Variants in AGAP5 observed in about 807,000 individuals in gnomAD.
AGAP5 encodes the protein ArfGAP with GTPase domain, ankyrin repeat and PH domain 5, also known as arf-GAP with GTPase, ANK repeat and PH domain-containing protein 5.
In AGAP5, 8 loss-of-function variants were observed where a neutral mutation model predicts 27.7. That is an observed-to-expected ratio of 0.29 (90% CI 0.17 to 0.52). The LOEUF (loss-of-function observed/expected upper bound fraction) is 0.52. Among genes scored for constraint, AGAP5 ranks in the 20% least tolerant of loss-of-function variants. The probability of loss-of-function intolerance (pLI) is 0.97; values close to 1 mark genes in which losing one functional copy is unlikely to be tolerated. For synonymous variants in AGAP5, 111 were observed against 338.0 expected (o/e 0.33, Z 7.37); for missense variants, 285 against 880.8 (o/e 0.32, Z 8.56).
intron 4 of AGAP5, 123 bp downstream of exon 4, chr10:73,691,920 G>GA (rs1377675391): frequency 1.2e-6 from 1 of 847,136 alleles, no homozygotes; most frequent in African/African-American, 1.8e-5. Flanking sequence ...AAGAGATTTA[G>GA]AAAATCCACA....
rs1386124586 is a variant in AGAP5, at chr10:73,697,989, A to T, written c.-234T>A. ...CCTCCCCTGAGTTGACTTGTCTGGG[A>T]GGGTGAAGACCAGCTGGCTTATTTA... On this transcript the variant is annotated 5_prime_UTR_variant, in exon 1 of 8. Transcript: ENST00000374094. 4.7e-6 allele frequency: 7 copies of T among 1,473,726 alleles called. No homozygotes were observed. Among genetic ancestry groups the T allele is most frequent in the Non-Finnish European group, 6.3e-6 (7 of 1,117,584 alleles). 91.3% of individuals were successfully genotyped at this position (1,473,726 alleles called of 1,614,324 possible).
chr10:73,687,608 C>A (rs1442769089), intron 4 of AGAP5, among the ~76,000 whole-genome samples: 2 of 152,070 alleles, frequency 1.3e-5, no homozygotes, highest in African/African-American at 4.8e-5. Flanking sequence ...TAAACAAGGC[C>A]TTAGGAGAAA....
At chr10:73,690,599 G>C (rs2082109309) in intron 4 of AGAP5, among the ~76,000 whole-genome samples, 1 of 113,022 alleles carries the variant, frequency 8.8e-6, no homozygotes, top group African/African-American at 3.5e-5. Flanking sequence ...ACCCAAGAAT[G>C]ATCAATTAAA....
chr10:73,689,896 G>A (rs528055062), intron 4 of AGAP5, among the ~76,000 whole-genome samples: 35 of 150,640 alleles, frequency 2.3e-4, no homozygotes, highest in African/African-American at 7.8e-4. Flanking sequence ...CGCCCCGTCC[G>A]GGAGGTGAGG....
chr10:73,690,753 A>G (rs2082110955), intron 4 of AGAP5, among the ~76,000 whole-genome samples: 1 of 152,240 alleles, frequency 6.6e-6, no homozygotes, highest in African/African-American at 2.4e-5. Flanking sequence ...ACTAGAGACC[A>G]TAACAGGACA....
rs71021562 is a variant in AGAP5 at position 73,692,633 on chromosome 10, ATTTTTT to A, written c.362-562_362-557del. Among the ~76,000 whole-genome samples the A allele has an allele frequency of 7.3e-4, 56 of 77,012 alleles. 1 individual carries two copies. Among genetic ancestry groups the A allele is most frequent in the African/African-American group, 2.0e-3 (41 of 20,958 alleles). The allele number at this position is 77,012 out of a possible 152,430, so 50.5% of individuals were successfully genotyped here. A position where few individuals can be genotyped will look rare whatever the true frequency, so the allele number is the denominator to read the frequency against. On this transcript the variant is annotated intron_variant, in intron 3 of 7. Transcript: ENST00000374094. ...ACAACTGGAAAGTAACCTATCTTAAATTTTTTTTTTTTTTTTTTTTTTTTTTTGAGA... is the reference window on the plus strand; with the variant it reads ...ACAACTGGAAAGTAACCTATCTTAAATTTTTTTTTTTTTTTTTTTTTGAGA...
intron 4 of AGAP5, among the ~76,000 whole-genome samples, chr10:73,689,138 C>A (rs545255359): frequency 1.4e-4 from 22 of 152,244 alleles, no homozygotes; most frequent in Non-Finnish European, 3.1e-4. Flanking sequence ...AGGCGCGCGC[C>A]GCCACGCCTG....
chr10:73,695,626 AAT>A (rs1187147086), intron 2 of AGAP5, among the ~76,000 whole-genome samples: 10 of 152,318 alleles, frequency 6.6e-5, no homozygotes, highest in African/African-American at 2.4e-4. Flanking sequence ...GCAATCCTTA[AAT>A]ATCTTGAAAT....
At chr10:73,679,152 CA>C (rs1278133012) in intron 6 of AGAP5, among the ~76,000 whole-genome samples, 2 of 148,726 alleles carry the variant, frequency 1.3e-5, no homozygotes, top group East Asian at 3.9e-4. Context: ...TGCGCCCCAC[CA>C]GCTTATTGCT....
intron 3 of AGAP5, 111 bp downstream of exon 3, chr10:73,694,625 T>A (rs1316023929): frequency 7.5e-6 from 12 of 1,590,110 alleles, no homozygotes; most frequent in Non-Finnish European, 1.0e-5. Context: ...AGTGAACATG[T>A]GAAAGGGTGA....
At chr10:73,679,724 C>T (rs2082009312) in intron 6 of AGAP5, among the ~76,000 whole-genome samples, 2 of 152,128 alleles carry the variant, frequency 1.3e-5, no homozygotes, top group Admixed American at 1.3e-4. Context: ...GCTAAACTCT[C>T]TGCAATGCAC....
intron 4 of AGAP5, among the ~76,000 whole-genome samples, chr10:73,688,632 GA>G (rs1192159831): frequency 6.6e-6 from 1 of 151,678 alleles, no homozygotes; most frequent in Non-Finnish European, 1.5e-5. Context: ...AATAGAAGGG[GA>G]AAAATTAAAA....
intron 6 of AGAP5, among the ~76,000 whole-genome samples, chr10:73,679,114 A>C (rs1177134619): frequency 1.4e-5 from 2 of 144,072 alleles, no homozygotes; most frequent in African/African-American, 5.1e-5. Flanking sequence ...CAGCCTCCCA[A>C]AATGCTGGGA....
At chr10:73,687,363 T>C (rs1181764193) in intron 4 of AGAP5, among the ~76,000 whole-genome samples, 1 of 152,338 alleles carries the variant, frequency 6.6e-6, no homozygotes, top group East Asian at 1.9e-4. Flanking sequence ...CAAGCGATCC[T>C]CTGCCTCAGC....
chr10:73,697,090 C>T lies in AGAP5; in HGVS notation c.292+5G>A, dbSNP rs1205250928. 6.3e-7 allele frequency: 1 copy of T among 1,597,634 alleles called. No homozygotes were observed. The highest frequency in any genetic ancestry group is 1.1e-5 in the South Asian group (1 of 90,982). The stretch of plus-strand genomic sequence containing the variant: ...TAAACAGAGCTACAGACACTGTTGT[C>T]TCACCATCTGTTTGAGAGTTCCTCT... On this transcript the variant is annotated splice_donor_5th_base_variant and intron_variant, in intron 2 of 7. Coordinates refer to ENST00000374094, the MANE Select transcript of AGAP5 (RefSeq NM_001144000.4).
At chr10:73,689,074 T>C (rs1589473779) in intron 4 of AGAP5, among the ~76,000 whole-genome samples, 1 of 152,212 alleles carries the variant, frequency 6.6e-6, no homozygotes, top group East Asian at 1.9e-4. Context: ...CTCGGCTCAC[T>C]GCAACCTCCC....
chr10:73,675,803 T>C lies in AGAP5; in HGVS notation c.857A>G (p.Gln286Arg). ...IGSGRAIPIK[Q>R]GMLLKRSGKW... is the part of the protein sequence containing the mutation. The stretch of plus-strand genomic sequence containing the variant: ...CCCACTTCGCTTTAAGAGCATGCCC[T>C]GTTTAATGGGGATGGCTCTGCCGCT... Residue 286 changes from glutamine (Q) to arginine (R), a missense_variant, in exon 8 of 8, where the codon CAG becomes CGG. Gln to Arg is a conservative substitution (Grantham distance 43, BLOSUM62 1). Coordinates refer to ENST00000374094, the MANE Select transcript of AGAP5 (RefSeq NM_001144000.4). 3 of 1,613,086 alleles carry C rather than the reference T, an allele frequency of 1.9e-6. No individual in the cohort carries two copies. In the Admixed American group the frequency reaches 5.0e-5, roughly 27 times the overall value.
intron 2 of AGAP5, among the ~76,000 whole-genome samples, chr10:73,695,695 T>C (rs1372232353): frequency 6.6e-6 from 1 of 152,172 alleles, no homozygotes; most frequent in African/African-American, 2.4e-5. Context: ...TTAATTATCC[T>C]ACCTCTTTAA....
At chr10:73,696,788 G>A (rs550489031) in intron 2 of AGAP5, among the ~76,000 whole-genome samples, 239 of 152,278 alleles carry the variant, frequency 1.6e-3, no homozygotes, top group Middle Eastern at 0.01. Context: ...GTGACTTAAA[G>A]CAGCCCATTA....
Sources: allele counts gnomAD v4.1 joint callset (sites outside exome capture counted in the v4.1 genomes callset), GRCh38; gene constraint gnomAD v4.1.1; transcripts MANE v1.5; gene names NCBI Gene and HGNC (gene_info 2026-07-23, HGNC 2026-07-21).